Variants in SPAG9 observed in about 807,000 individuals in gnomAD.
The protein encoded by SPAG9 is C-Jun-amino-terminal kinase-interacting protein 4.
Under a neutral mutation model 166.5 loss-of-function variants are expected in SPAG9, and 35 were observed. That is an observed-to-expected ratio of 0.21 (90% confidence interval 0.16 to 0.28). The LOEUF is 0.28. Ranked by LOEUF, SPAG9 falls within the 10% of genes least tolerant of loss-of-function variation. The pLI is 1.00. For synonymous variants in SPAG9, 534 were observed against 565.5 expected, an observed-to-expected ratio of 0.94 and a Z score of 0.79; for missense variants, 1,235 against 1,603.3, an observed-to-expected ratio of 0.77 and a Z score of 3.92.
intron 2 of SPAG9, among the ~76,000 whole-genome samples, chr17:51,064,575 G>C (rs1598113074): frequency 6.6e-6 from 1 of 152,196 alleles, no homozygotes. Flanking sequence ...TATGCTAGGT[G>C]AAAGAAGCCA....
intron 8 of SPAG9, among the ~76,000 whole-genome samples, chr17:51,017,304 C>T (rs2045739531): frequency 6.6e-6 from 1 of 152,052 alleles, no homozygotes; most frequent in African/African-American, 2.4e-5. Flanking sequence ...AGAATCTCAG[C>T]TGAAAAAGGG....
chr17:50,985,836 T>C (rs1975008326), intron 22 of SPAG9, 58 bp from the exon 23 acceptor site: 4 of 959,272 alleles, frequency 4.2e-6, no homozygotes, highest in Admixed American at 2.2e-5. Flanking sequence ...ATTGCATATA[T>C]CTAACAATGA....
chr17:51,093,511 G>T (rs1005875674), intron 1 of SPAG9, among the ~76,000 whole-genome samples: 1 of 151,710 alleles, frequency 6.6e-6, no homozygotes, highest in Admixed American at 6.6e-5. Context: ...GACCGTCCTG[G>T]CTAACATGGT....
chr17:51,076,803 A>C (rs142914949), intron 2 of SPAG9, among the ~76,000 whole-genome samples: 44 of 152,204 alleles, frequency 2.9e-4, no homozygotes, highest in African/African-American at 1.0e-3. Context: ...CTTAATACGT[A>C]AAACAATGAA....
At chr17:51,027,322 C>A (rs112458272) in intron 6 of SPAG9, among the ~76,000 whole-genome samples, 1 of 151,950 alleles carries the variant, frequency 6.6e-6, no homozygotes, top group African/African-American at 2.4e-5. Flanking sequence ...GTCCCAGCTA[C>A]CTGGGCGGCT....
intron 2 of SPAG9, among the ~76,000 whole-genome samples, chr17:51,057,193 C>A (rs1202903716): frequency 6.6e-6 from 1 of 152,062 alleles, no homozygotes; most frequent in Non-Finnish European, 1.5e-5. Flanking sequence ...GACACTGTTA[C>A]CACAGAGAAG....
chr17:51,000,716 G>A (rs1048366029), intron 13 of SPAG9, among the ~76,000 whole-genome samples: 27 of 151,622 alleles, frequency 1.8e-4, no homozygotes, highest in African/African-American at 5.8e-4. Flanking sequence ...TGGGCACAGA[G>A]CAAGACTCCA....
intron 1 of SPAG9, among the ~76,000 whole-genome samples, chr17:51,090,505 C>CA (rs1054889621): frequency 2.3e-4 from 34 of 150,070 alleles, no homozygotes; most frequent in African/African-American, 6.4e-4. Flanking sequence ...GACTCCATCT[C>CA]AAAAAAAAAG....
At chr17:50,999,379 C>T in intron 14 of SPAG9, 1 of 931,344 alleles carries the variant, frequency 1.1e-6, no homozygotes, top group Non-Finnish European at 1.5e-6. Flanking sequence ...CTAAATAATT[C>T]CCCATTATTT....
At chr17:51,053,688 CA>C (rs550367364) in intron 3 of SPAG9, among the ~76,000 whole-genome samples, 78 of 138,660 alleles carry the variant, frequency 5.6e-4, no homozygotes, top group Middle Eastern at 3.7e-3. Flanking sequence ...CCATCACACA[CA>C]AAAAAAAAAA....
chr17:51,078,717 T>A (rs1160640410), intron 2 of SPAG9, among the ~76,000 whole-genome samples: 1 of 151,824 alleles, frequency 6.6e-6, no homozygotes, highest in Non-Finnish European at 1.5e-5. Flanking sequence ...CAAGAAAATA[T>A]GAAATTATAT....
At chr17:51,110,680 C>T (rs1391432186) in intron 1 of SPAG9, among the ~76,000 whole-genome samples, 3 of 151,818 alleles carry the variant, frequency 2.0e-5, no homozygotes, top group Non-Finnish European at 4.4e-5. Flanking sequence ...GACCTTGTCT[C>T]GAAAAAAATA....
chr17:51,090,629 A>C (rs1379406495), intron 1 of SPAG9, among the ~76,000 whole-genome samples: 1 of 152,230 alleles, frequency 6.6e-6, no homozygotes, highest in Non-Finnish European at 1.5e-5. Flanking sequence ...ATTGATTGAA[A>C]TTTAACAGAA....
chr17:51,011,736 T>C (rs766049647), intron 9 of SPAG9, among the ~76,000 whole-genome samples: 18 of 152,132 alleles, frequency 1.2e-4, no homozygotes, highest in Non-Finnish European at 1.6e-4. Flanking sequence ...GTAACTAAAC[T>C]TACAGTAATA....
intron 2 of SPAG9, among the ~76,000 whole-genome samples, chr17:51,078,846 C>T (rs973448817): frequency 1.3e-5 from 2 of 151,528 alleles, no homozygotes; most frequent in Non-Finnish European, 2.9e-5. Flanking sequence ...TATCTAATTA[C>T]ATGCTTAGGT....
Position 50,989,712 on chromosome 17 carries a change from C to G in SPAG9, c.2778G>C (p.Gln926His), listed in dbSNP as rs1057268124. Residue 926 changes from glutamine to histidine, a missense_variant, in exon 21 of 30, where the codon CAG (glutamine) becomes CAC (histidine). Physicochemically the swap from Gln to His is conservative, Grantham distance 24 (BLOSUM62 0). Transcript: ENST00000262013. ...ACACTGGGGAGAGGTCTTCTGGGAT[C>G]TGAACTCCCAAAGGATCTGTAAAGA... The part of the protein sequence containing the change: ...EHVFTDPLGV[Q>H]IPEDLSPVYQ... The G allele has an allele frequency of 8.1e-6, 13 of 1,614,052 alleles. No homozygotes were observed. Among genetic ancestry groups the G allele is most frequent in the Admixed American group, 1.7e-5 (1 of 60,002 alleles).
At chr17:51,054,510 C>T (rs1161495347) in intron 3 of SPAG9, among the ~76,000 whole-genome samples, 1 of 151,526 alleles carries the variant, frequency 6.6e-6, no homozygotes, top group Non-Finnish European at 1.5e-5. Flanking sequence ...GATCTCGGCT[C>T]ACTGCAAGCT....
chr17:51,066,534 G>A (rs1432953148), intron 2 of SPAG9, among the ~76,000 whole-genome samples: 1 of 128,748 alleles, frequency 7.8e-6, no homozygotes, highest in African/African-American at 3.0e-5. Context: ...CAGGCTGGGC[G>A]ACAGAGTGAG....
chr17:50,972,672 C>T (rs891844387), intron 28 of SPAG9, among the ~76,000 whole-genome samples: 1 of 152,176 alleles, frequency 6.6e-6, no homozygotes, highest in Admixed American at 6.5e-5. Context: ...GCCATTAATG[C>T]GACACACTGT....
Sources: gnomAD v4.1 joint callset for allele counts (sites outside exome capture counted in the v4.1 genomes callset) on GRCh38, gnomAD v4.1.1 for gene constraint, MANE v1.5 for transcripts, NCBI Gene and HGNC (gene_info 2026-07-23, HGNC 2026-07-21) for gene names.